The following DNAJB13 variants were observed in gnomAD, a reference collection of about 807,000 sequenced individuals.
DNAJB13 encodes the protein dnaJ homolog subfamily B member 13.
In DNAJB13, 22 loss-of-function variants were observed where a neutral mutation model predicts 35.6. That is an observed-to-expected ratio of 0.62 (90% CI 0.44 to 0.88). DNAJB13 has a LOEUF of 0.88. Among genes scored for constraint, DNAJB13 ranks in the 40% least tolerant of loss-of-function variants. DNAJB13 has a pLI of 0.00. For missense variants in DNAJB13, 370 were observed against 384.3 expected, an observed-to-expected ratio of 0.96 and a Z score of 0.31; for synonymous variants, 136 against 144.2, an observed-to-expected ratio of 0.94 and a Z score of 0.41.
At chr11:73,958,541 T>TGACTGCC in intron 2 of DNAJB13, 121 bp downstream of exon 2, 1 of 926,976 alleles carries the variant, frequency 1.1e-6, no homozygotes, top group Non-Finnish European at 1.6e-6. Context: ...GCCTAGAATC[T>TGACTGCC]AGACACACAG....
At chr11:73,953,925 T>G (rs1315428047) in intron 1 of DNAJB13, among the ~76,000 whole-genome samples, 2 of 150,126 alleles carry the variant, frequency 1.3e-5, no homozygotes, top group African/African-American at 4.9e-5. Flanking sequence ...GAGGTGGAGC[T>G]TACAGTGAGC....
chr11:73,954,193 G>A (rs1012131645), intron 1 of DNAJB13, among the ~76,000 whole-genome samples: 3 of 151,296 alleles, frequency 2.0e-5, no homozygotes, highest in African/African-American at 7.3e-5. Context: ...AGGTGTAGTG[G>A]CGCATGCCTG....
rs186414805 is a variant in DNAJB13 at position 73,959,674 on chromosome 11, C to T, written c.334+19C>T. ...TTCAGTGGTAAGAGGTCTTCCTCCCCCACCTTGCCTTATAGAGAAAGGACA... is the reference window on the plus strand; with the variant it reads ...TTCAGTGGTAAGAGGTCTTCCTCCCTCACCTTGCCTTATAGAGAAAGGACA... On this transcript the variant is annotated intron_variant, in intron 3 of 7. Transcript: ENST00000339764. 1.5e-4 allele frequency: 238 copies of T among 1,608,668 alleles called. 1 individual carries two copies. The East Asian group carries it at 5.3e-3, about 36-fold the overall frequency.
rs757487043 is a variant in DNAJB13, at chr11:73,970,074, C to A, written c.911C>A (p.Pro304His). The change falls in exon 8 of 8, where the codon CCC (proline) becomes CAC (histidine). Residue 304 changes from proline to histidine, a missense_variant. Transcript: ENST00000339764. Reference protein sequence around the residue: ...FDIQFPTRLTPQKKQMLRQAL... With the variant: ...FDIQFPTRLTHQKKQMLRQAL... ...ATCCAGTTCCCCACCCGCCTCACACCCCAGAAGAAGCAGATGCTGCGCCAG... is the reference window on the plus strand; with the variant it reads ...ATCCAGTTCCCCACCCGCCTCACACACCAGAAGAAGCAGATGCTGCGCCAG... 21 of 1,610,282 alleles carry A rather than the reference C, an allele frequency of 1.3e-5. No individual in the cohort carries two copies. The African/African-American group carries it at 2.4e-4, about 18-fold the overall frequency.
At chr11:73,968,152 G>C in intron 5 of DNAJB13, 193 bp from the exon 6 acceptor site, 1 of 605,956 alleles carries the variant, frequency 1.7e-6, no homozygotes, top group South Asian at 2.0e-5. Context: ...ATTCTGGGGG[G>C]ATTCATTTGG....
intron 7 of DNAJB13, 51 bp downstream of exon 7, chr11:73,969,373 G>A (rs1331189477): frequency 1.2e-6 from 1 of 859,860 alleles, no homozygotes; most frequent in African/African-American, 1.6e-5. Context: ...GCTAGCCTGG[G>A]ATTTAGGTGG....
rs1326181159 is a variant in DNAJB13, at chr11:73,966,349, C to A, written c.606+98C>A. 12 of 1,123,086 alleles carry A rather than the reference C, an allele frequency of 1.1e-5. No individual in the cohort carries two copies. The Admixed American group carries it at 1.8e-4, about 17-fold the overall frequency. The allele number at this position is 1,123,086 out of a possible 1,614,324, so 69.6% of individuals were successfully genotyped here. A position where few individuals can be genotyped will look rare whatever the true frequency, so the allele number is the denominator to read the frequency against. On this transcript the variant is annotated intron_variant, in intron 5 of 7. Transcript: ENST00000339764. ...GGAAAGGAGGCAATACTTTTTCCTG[C>A]CCCTGTGAGCCTTGGTCTGTAGAGA...
rs755468872 is a variant in DNAJB13, at chr11:73,970,156, C to G, written c.*42C>G. On this transcript the variant is annotated 3_prime_UTR_variant, in exon 8 of 8. Coordinates refer to ENST00000339764, the MANE Select transcript of DNAJB13 (RefSeq NM_153614.4). Reference sequence around the variant, plus strand: ...CAGGGGTGAGAGGAGGCTAGCCGGGCCTCACCCCACCCCTACCCGCCACAG... The same window carrying G: ...CAGGGGTGAGAGGAGGCTAGCCGGGGCTCACCCCACCCCTACCCGCCACAG... 1 of 1,540,704 alleles carries G rather than the reference C, an allele frequency of 6.5e-7. No homozygotes were observed. Among genetic ancestry groups the G allele is most frequent in the African/African-American group, 1.4e-5 (1 of 73,888 alleles).
intron 1 of DNAJB13, among the ~76,000 whole-genome samples, chr11:73,955,357 G>A (rs901835713): frequency 6.8e-6 from 1 of 147,074 alleles, no homozygotes; most frequent in African/African-American, 2.5e-5. Context: ...CACCCAGGCT[G>A]GAGTGCAGTG....
chr11:73,952,525 T>C (rs1468954813), intron 1 of DNAJB13, among the ~76,000 whole-genome samples: 3 of 152,186 alleles, frequency 2.0e-5, no homozygotes, highest in Non-Finnish European at 2.9e-5. Flanking sequence ...GGCCAGGTCC[T>C]GTAGGGGATC....
chr11:73,952,192 C>T (rs186718856), intron 1 of DNAJB13, among the ~76,000 whole-genome samples: 158 of 152,162 alleles, frequency 1.0e-3, no homozygotes, highest in African/African-American at 9.6e-5. Flanking sequence ...AGGAGAGAGA[C>T]CCTTTAGGAG....
At chr11:73,951,263 C>A in intron 1 of DNAJB13, 126 bp downstream of exon 1, 1 of 1,150,804 alleles carries the variant, frequency 8.7e-7, no homozygotes. Context: ...CCTTTCACTT[C>A]TTGCATACCT....
Position 73,959,671 on chromosome 11 carries a change from C to T in DNAJB13, c.334+16C>T. On this transcript the variant is annotated intron_variant, in intron 3 of 7. Coordinates refer to ENST00000339764, the MANE Select transcript of DNAJB13 (RefSeq NM_153614.4). ...CCCTTCAGTGGTAAGAGGTCTTCCTCCCCCACCTTGCCTTATAGAGAAAGG... is the reference window on the plus strand; with the variant it reads ...CCCTTCAGTGGTAAGAGGTCTTCCTTCCCCACCTTGCCTTATAGAGAAAGG... The T allele has an allele frequency of 1.2e-6, 2 of 1,609,626 alleles. No individual in the cohort carries two copies. Among genetic ancestry groups the T allele is most frequent in the African/African-American group, 2.7e-5 (2 of 74,932 alleles).
rs778523226 is a variant in DNAJB13, at chr11:73,964,806, T to TGCGC, written c.335-71_335-70insCGCG. ...GTGTGTGTGTGTGTGTGTGTGTGTG[T>TGCGC]GTGTGTGCGCGCGCGCGCATGTCTG... is the stretch of plus-strand genomic sequence containing the variant. On this transcript the variant is annotated intron_variant, in intron 3 of 7. Coordinates refer to ENST00000339764, the MANE Select transcript of DNAJB13 (RefSeq NM_153614.4). 1,000 of 729,832 alleles carry TGCGC rather than the reference T, an allele frequency of 1.4e-3. 20 individuals are homozygous for TGCGC. The African/African-American group carries it at 0.022, about 16-fold the overall frequency. 45.2% of individuals were successfully genotyped at this position (729,832 alleles called of 1,614,324 possible).
At chr11:73,954,360 G>C (rs944897524) in intron 1 of DNAJB13, among the ~76,000 whole-genome samples, 8 of 150,862 alleles carry the variant, frequency 5.3e-5, no homozygotes, top group African/African-American at 2.0e-4. Context: ...GCCGGGCGCA[G>C]TGGCTCACAC....
intron 1 of DNAJB13, among the ~76,000 whole-genome samples, chr11:73,957,924 G>T (rs1950802169): frequency 6.6e-6 from 1 of 151,528 alleles, no homozygotes; most frequent in Non-Finnish European, 1.5e-5. Context: ...AGGGAGGGGA[G>T]GAAGGAGGGA....
Position 73,959,480 on chromosome 11 carries a change from A to G in DNAJB13, c.173-14A>G, listed in dbSNP as rs1296509702. 6.2e-7 allele frequency: 1 copy of G among 1,612,080 alleles called. No individual in the cohort carries two copies. Among genetic ancestry groups the G allele is most frequent in the Non-Finnish European group, 8.5e-7 (1 of 1,178,774 alleles). The stretch of plus-strand genomic sequence containing the variant: ...CAAAGTTGGACACCTCCTTAAGGTG[A>G]TGCCCATCCACAGCCATGAAGAGAG... On this transcript the variant is annotated splice_polypyrimidine_tract_variant and intron_variant, in intron 2 of 7. Coordinates refer to ENST00000339764, the MANE Select transcript of DNAJB13 (RefSeq NM_153614.4).
chr11:73,956,288 C>T (rs1220500122), intron 1 of DNAJB13, among the ~76,000 whole-genome samples: 2 of 151,998 alleles, frequency 1.3e-5, no homozygotes, highest in East Asian at 1.9e-4. Flanking sequence ...GCACCTGAGT[C>T]GAAAGTTGAA....
chr11:73,969,936 G>A, intron 7 of DNAJB13, 25 bp from the exon 8 acceptor site: 3 of 1,596,576 alleles, frequency 1.9e-6, no homozygotes, highest in Non-Finnish European at 2.6e-6. Flanking sequence ...TGCCCTCTAT[G>A]CTCCTTTCTT....
Sources: gnomAD v4.1 joint callset for allele counts (sites outside exome capture counted in the v4.1 genomes callset) on GRCh38, gnomAD v4.1.1 for gene constraint, MANE v1.5 for transcripts, NCBI Gene and HGNC (gene_info 2026-07-23, HGNC 2026-07-21) for gene names.